GATAD2B: variants seen among roughly 807,000 people sequenced by gnomAD.
GATAD2B encodes the protein transcriptional repressor p66-beta.
In GATAD2B, 8 loss-of-function variants were observed where a neutral mutation model predicts 64.3. The observed-to-expected ratio is 0.12, with a 90% CI of 0.07 to 0.22. The LOEUF is 0.22. Among genes scored for constraint, GATAD2B ranks in the 10% least tolerant of loss-of-function variants. The probability of loss-of-function intolerance (pLI) is 1.00; values close to 1 mark genes in which losing one functional copy is unlikely to be tolerated. For missense variants in GATAD2B, 453 were observed against 752.0 expected, an observed-to-expected ratio of 0.60 and a Z score of 4.65; for synonymous variants, 281 against 271.3, an observed-to-expected ratio of 1.04 and a Z score of -0.35.
chr1:153,871,678 G>A (rs1172494543), intron 1 of GATAD2B, among the ~76,000 whole-genome samples: 6 of 151,576 alleles, frequency 4.0e-5, no homozygotes, highest in Admixed American at 3.9e-4. Context: ...ACCATGTTGG[G>A]CAGGCTGGTC....
intron 1 of GATAD2B, among the ~76,000 whole-genome samples, chr1:153,882,792 C>G (rs1677047453): frequency 6.6e-6 from 1 of 151,366 alleles, no homozygotes; most frequent in African/African-American, 2.5e-5. Context: ...ATACCTAAGC[C>G]TGGTCTCTGA....
chr1:153,905,334 G>A (rs151165681), intron 1 of GATAD2B, among the ~76,000 whole-genome samples: 3,662 of 151,746 alleles, frequency 0.024, 158 homozygotes, highest in African/African-American at 0.084. Context: ...CAGAGATCAC[G>A]CCACCGCACT....
chr1:153,884,329 G>A (rs969565602), intron 1 of GATAD2B, among the ~76,000 whole-genome samples: 1 of 152,212 alleles, frequency 6.6e-6, no homozygotes, highest in Non-Finnish European at 1.5e-5. Context: ...TGTAGTCCCA[G>A]CTACTCCGGA....
chr1:153,897,920 C>T (rs1040274605), intron 1 of GATAD2B, among the ~76,000 whole-genome samples: 16 of 149,572 alleles, frequency 1.1e-4, no homozygotes, highest in Middle Eastern at 3.5e-3. Flanking sequence ...CCTCGACGAA[C>T]GGATGGCTTG....
At chr1:153,824,185 G>A (rs982309898) in intron 2 of GATAD2B, among the ~76,000 whole-genome samples, 6 of 152,130 alleles carry the variant, frequency 3.9e-5, no homozygotes, top group Non-Finnish European at 5.9e-5. Flanking sequence ...AAGCCAAGTG[G>A]GGAGGACTGC....
intron 1 of GATAD2B, among the ~76,000 whole-genome samples, chr1:153,833,127 A>G (rs1390715716): frequency 6.6e-6 from 1 of 152,160 alleles, no homozygotes; most frequent in Non-Finnish European, 1.5e-5. Flanking sequence ...GAGTTGCCTG[A>G]GCTCAGGATT....
At chr1:153,872,854 A>G (rs1164282409) in intron 1 of GATAD2B, among the ~76,000 whole-genome samples, 1 of 152,206 alleles carries the variant, frequency 6.6e-6, no homozygotes, top group Non-Finnish European at 1.5e-5. Context: ...ATATAACAGA[A>G]GTGTTTTTTG....
At chr1:153,913,679 G>C (rs1006898547) in intron 1 of GATAD2B, among the ~76,000 whole-genome samples, 7 of 152,168 alleles carry the variant, frequency 4.6e-5, no homozygotes, top group African/African-American at 1.7e-4. Flanking sequence ...AGCACTTTGG[G>C]AGGCCAAGGC....
rs1674066274 is a variant in GATAD2B at position 153,804,945 on chromosome 1, G to A, written c.*5232C>T. On this transcript the variant is annotated 3_prime_UTR_variant, in exon 11 of 11. Coordinates refer to ENST00000368655, the MANE Select transcript of GATAD2B (RefSeq NM_020699.4). ...TTTCATTTTATTTCCCAAACACAAT[G>A]CAGAAAATCAGAATGAGTTAAAAAA... is the stretch of plus-strand genomic sequence containing the variant. 2 of 152,198 alleles carry A rather than the reference G, an allele frequency of 1.3e-5. No individual in the cohort carries two copies. Among genetic ancestry groups the A allele is most frequent in the Admixed American group, 1.3e-4 (2 of 15,256 alleles). The allele number at this position is 152,198 out of a possible 1,614,324, so 9.4% of individuals were successfully genotyped here.
intron 1 of GATAD2B, among the ~76,000 whole-genome samples, chr1:153,869,012 G>C (rs905759304): frequency 3.3e-5 from 5 of 152,130 alleles, no homozygotes. Flanking sequence ...GACAATTCTT[G>C]CTGGGCACAG....
In GATAD2B at chr1:153,816,694, T is replaced by C; in HGVS notation, c.901-106A>G. The C allele has an allele frequency of 5.8e-6, 4 of 684,566 alleles. No individual in the cohort carries two copies. The South Asian group carries it at 7.5e-5, about 13-fold the overall frequency. The allele number at this position is 684,566 out of a possible 1,614,324, so 42.4% of individuals were successfully genotyped here. A position where few individuals can be genotyped will look rare whatever the true frequency, so the allele number is the denominator to read the frequency against. ...CTGATCCTGGTTTGGACTACTTAGC[T>C]TCTCCAAAAATAGGAGGTGGTCAAC... On this transcript the variant is annotated intron_variant, in intron 6 of 10. Coordinates refer to ENST00000368655, the MANE Select transcript of GATAD2B (RefSeq NM_020699.4). The surrounding 1 kb of genome is among the most constrained non-coding windows in gnomAD (Gnocchi z 4.9).
chr1:153,815,272 C>CAA (rs1369262441), intron 7 of GATAD2B, among the ~76,000 whole-genome samples: 1 of 17,922 alleles, frequency 5.6e-5, no homozygotes. Context: ...GACCCTGTCT[C>CAA]AAAAAAACAA....
intron 1 of GATAD2B, among the ~76,000 whole-genome samples, chr1:153,866,968 C>T (rs554130148): frequency 5.9e-5 from 9 of 152,156 alleles, no homozygotes; most frequent in Admixed American, 2.0e-4. Context: ...TTAGTAGAAA[C>T]GGGGTTTCAC....
At chr1:153,845,878 T>A (rs1406273567) in intron 1 of GATAD2B, among the ~76,000 whole-genome samples, 4 of 152,038 alleles carry the variant, frequency 2.6e-5, no homozygotes, top group Non-Finnish European at 2.9e-5. Context: ...GAGACTGCAG[T>A]TTACCATGAT....
At chr1:153,906,018 G>A (rs1258580341) in intron 1 of GATAD2B, among the ~76,000 whole-genome samples, 4 of 147,676 alleles carry the variant, frequency 2.7e-5, no homozygotes, top group African/African-American at 5.0e-5. Context: ...ACTGGGCCGA[G>A]ATCACGCCAC....
chr1:153,845,030 G>A (rs934607702), intron 1 of GATAD2B, among the ~76,000 whole-genome samples: 1 of 151,988 alleles, frequency 6.6e-6, no homozygotes, highest in Non-Finnish European at 1.5e-5. Context: ...GAATTAAAAT[G>A]ACTTTAAAAC....
intron 1 of GATAD2B, among the ~76,000 whole-genome samples, chr1:153,863,524 A>C (rs1043386033): frequency 1.3e-5 from 2 of 151,876 alleles, no homozygotes; most frequent in Admixed American, 6.6e-5. Flanking sequence ...AAAAAAAAAA[A>C]ACAACAGGAA....
chr1:153,858,475 T>C (rs1315369786), intron 1 of GATAD2B, among the ~76,000 whole-genome samples: 1 of 152,044 alleles, frequency 6.6e-6, no homozygotes, highest in Non-Finnish European at 1.5e-5. Flanking sequence ...GATGGTGGCA[T>C]GCACCTGCGG....
chr1:153,867,989 A>G (rs962153604), intron 1 of GATAD2B, among the ~76,000 whole-genome samples: 1 of 152,208 alleles, frequency 6.6e-6, no homozygotes, highest in Non-Finnish European at 1.5e-5. Flanking sequence ...ACCTGAGGTC[A>G]GGAGTTCAAG....
Sources: gnomAD v4.1 joint callset for allele counts (sites outside exome capture counted in the v4.1 genomes callset) on GRCh38, gnomAD v4.1.1 for gene constraint, Gnocchi (gnomAD v3.1) non-coding constraint, MANE v1.5 for transcripts, NCBI Gene and HGNC (gene_info 2026-07-23, HGNC 2026-07-21) for gene names.